The following GRID2 variants were observed in gnomAD, a reference collection of about 807,000 sequenced individuals.
The protein encoded by GRID2 is glutamate receptor ionotropic, delta-2.
In GRID2, 33 loss-of-function variants were observed where a neutral mutation model predicts 114.8. The ratio of observed to expected loss-of-function variants is 0.29; its 90% CI spans 0.22 to 0.38. The LOEUF (loss-of-function observed/expected upper bound fraction) is 0.38. Among genes scored for constraint, GRID2 ranks in the 10% least tolerant of loss-of-function variants. GRID2 has a pLI of 1.00. For missense variants in GRID2, 1,184 were observed against 1,257.7 expected (o/e 0.94, Z 0.89); for synonymous variants, 505 against 449.9 (o/e 1.12, Z -1.55).
intron 2 of GRID2, among the ~76,000 whole-genome samples, chr4:92,829,846 G>A (rs1357104143): frequency 9.2e-5 from 14 of 151,858 alleles, no homozygotes; most frequent in Admixed American, 2.0e-4. Context: ...AAAACCAAAC[G>A]CCACATGTTC....
rs145719176 is a variant in GRID2, at chr4:93,022,946, C to A, written c.245-62049C>A. ...ACATTTTTAAAACATATATTCAATA[C>A]TCTTGTTATTATTTCATCCCAAATC... On this transcript the variant is annotated intron_variant, in intron 2 of 15. Transcript: ENST00000282020. 2.2e-4 allele frequency among the ~76,000 whole-genome samples: 33 copies of A among 151,812 alleles called. 1 individual carries two copies. In the East Asian group the frequency reaches 6.2e-3, roughly 29 times the overall value.
intron 2 of GRID2, among the ~76,000 whole-genome samples, chr4:92,798,977 C>T (rs1740022268): frequency 6.6e-6 from 1 of 151,918 alleles, no homozygotes; most frequent in African/African-American, 2.4e-5. Flanking sequence ...CCAATGGTCC[C>T]CAGCCTTTTT....
chr4:92,417,246 T>C (rs1731660161), intron 1 of GRID2, among the ~76,000 whole-genome samples: 1 of 152,162 alleles, frequency 6.6e-6, no homozygotes, highest in African/African-American at 2.4e-5. Flanking sequence ...CAGATTTGAC[T>C]TTTAAAGTCC....
At chr4:92,337,118 A>C (rs957378906) in intron 1 of GRID2, among the ~76,000 whole-genome samples, 1 of 151,930 alleles carries the variant, frequency 6.6e-6, no homozygotes, top group Non-Finnish European at 1.5e-5. Flanking sequence ...TCAGAGCCAT[A>C]TCTCCATTAT....
chr4:92,849,608 C>G (rs1743605768), intron 2 of GRID2, among the ~76,000 whole-genome samples: 1 of 151,814 alleles, frequency 6.6e-6, no homozygotes, highest in African/African-American at 2.4e-5. Flanking sequence ...TCTGCTTACC[C>G]CTTCAACTCC....
At chr4:92,391,740 T>C (rs1373206204) in intron 1 of GRID2, among the ~76,000 whole-genome samples, 1 of 152,192 alleles carries the variant, frequency 6.6e-6, no homozygotes, top group Non-Finnish European at 1.5e-5. Flanking sequence ...CTCACTAACT[T>C]GATCTTTTTA....
At chr4:92,585,633 C>T (rs1728396884) in intron 1 of GRID2, among the ~76,000 whole-genome samples, 1 of 151,892 alleles carries the variant, frequency 6.6e-6, no homozygotes, top group Non-Finnish European at 1.5e-5. Context: ...ATTCTATTCG[C>T]TGTGGAAAAT....
At chr4:93,280,053 C>G (rs571146995) in intron 8 of GRID2, among the ~76,000 whole-genome samples, 1 of 151,772 alleles carries the variant, frequency 6.6e-6, no homozygotes, top group African/African-American at 2.4e-5. Flanking sequence ...TGCAGAAGTA[C>G]AAGCAAAAAA....
At chr4:92,541,602 AC>A (rs1231390591) in intron 1 of GRID2, among the ~76,000 whole-genome samples, 8 of 152,136 alleles carry the variant, frequency 5.3e-5, no homozygotes, top group African/African-American at 1.7e-4. Flanking sequence ...ACATGGGGAT[AC>A]ATGATTTGGT....
intron 14 of GRID2, among the ~76,000 whole-genome samples, chr4:93,677,873 C>A (rs190551782): frequency 2.0e-5 from 3 of 151,948 alleles, no homozygotes; most frequent in Non-Finnish European, 4.4e-5. Flanking sequence ...AAGCAGAGCG[C>A]CTCTCCTCCT....
chr4:92,401,698 A>G (rs1422216531), intron 1 of GRID2, among the ~76,000 whole-genome samples: 2 of 152,222 alleles, frequency 1.3e-5, no homozygotes, highest in East Asian at 1.9e-4. Flanking sequence ...AATGCTGACT[A>G]TCATCTGAGC....
chr4:92,565,045 G>A (rs879842494), intron 1 of GRID2, among the ~76,000 whole-genome samples: 2 of 151,858 alleles, frequency 1.3e-5, no homozygotes, highest in Non-Finnish European at 2.9e-5. Context: ...CCACAAATGT[G>A]GGAATGGTTT....
chr4:92,438,667 G>C (rs964443020), intron 1 of GRID2, among the ~76,000 whole-genome samples: 1 of 150,774 alleles, frequency 6.6e-6, no homozygotes, highest in African/African-American at 2.4e-5. Flanking sequence ...CCAACTCTTC[G>C]TTGGCTACCA....
chr4:93,042,148 C>A (rs1725578102), intron 2 of GRID2, among the ~76,000 whole-genome samples: 1 of 151,884 alleles, frequency 6.6e-6, no homozygotes, highest in Admixed American at 6.6e-5. Flanking sequence ...CGTGATCTGC[C>A]TGCCTTAGCC....
chr4:93,705,171 T>C (rs1051691798), intron 14 of GRID2, among the ~76,000 whole-genome samples: 8 of 152,184 alleles, frequency 5.3e-5, no homozygotes, highest in African/African-American at 1.4e-4. Flanking sequence ...CGGTATCTCA[T>C]TGGAGTTTTA....
chr4:93,682,340 C>T (rs879773990), intron 14 of GRID2, among the ~76,000 whole-genome samples: 1 of 150,828 alleles, frequency 6.6e-6, no homozygotes, highest in African/African-American at 2.4e-5. Flanking sequence ...GTGGGACTGT[C>T]AACTAGTTCA....
intron 9 of GRID2, among the ~76,000 whole-genome samples, chr4:93,396,025 CATAG>C (rs1390371292): frequency 6.6e-6 from 1 of 151,888 alleles, no homozygotes; most frequent in Non-Finnish European, 1.5e-5. Context: ...CTGTAGTGAA[CATAG>C]ATAGTCAACA....
At chr4:93,561,632 T>C (rs993665443) in intron 13 of GRID2, among the ~76,000 whole-genome samples, 3 of 152,172 alleles carry the variant, frequency 2.0e-5, no homozygotes, top group Non-Finnish European at 4.4e-5. Flanking sequence ...TCCACTGTTA[T>C]ACTACCATAC....
rs184457779 is a variant in GRID2, at chr4:92,944,105, A to G, written c.245-140890A>G. Among the ~76,000 whole-genome samples the G allele has an allele frequency of 1.6e-3, 237 of 152,242 alleles. 1 individual carries two copies. Among genetic ancestry groups the G allele is most frequent in the African/African-American group, 5.5e-3 (227 of 41,538 alleles). ...ATGCTGGGAACCACTACTCTCTTCA[A>G]AGCTGTCAGACAGGTACATTTAAGT... On this transcript the variant is annotated intron_variant, in intron 2 of 15. Coordinates refer to ENST00000282020, the MANE Select transcript of GRID2 (RefSeq NM_001510.4).
Sources: allele counts gnomAD v4.1 joint callset (sites outside exome capture counted in the v4.1 genomes callset), GRCh38; gene constraint gnomAD v4.1.1; transcripts MANE v1.5; gene names NCBI Gene and HGNC (gene_info 2026-07-23, HGNC 2026-07-21).